ABCG2: variants seen among roughly 807,000 people sequenced by gnomAD.
The protein encoded by ABCG2 is ATP binding cassette subfamily G member 2 (JR blood group).
Under a neutral mutation model 73.5 loss-of-function variants are expected in ABCG2, and 80 were observed. That is an observed-to-expected ratio of 1.09 (90% CI 0.91 to 1.31). The LOEUF is 1.31. Among genes scored for constraint, ABCG2 ranks in the 50% most tolerant of loss-of-function variants. The pLI is 0.00. For synonymous variants in ABCG2, 269 were observed against 282.4 expected (o/e 0.95, Z 0.48); for missense variants, 796 against 786.2 (o/e 1.01, Z -0.15).
At chr4:88,211,510 A>G (rs1729600115) in intron 1 of ABCG2, among the ~76,000 whole-genome samples, 1 of 152,106 alleles carries the variant, frequency 6.6e-6, no homozygotes, top group Admixed American at 6.6e-5. Flanking sequence ...TCCGCCTCCC[A>G]GGTTCAAGTG....
At chr4:88,141,167 A>G (rs1455666115) in intron 1 of ABCG2, among the ~76,000 whole-genome samples, 1 of 152,172 alleles carries the variant, frequency 6.6e-6, no homozygotes, top group Non-Finnish European at 1.5e-5. Context: ...TCCTAAGCAC[A>G]ACGACAAAAG....
At chr4:88,199,247 G>A (rs1421813170) in intron 1 of ABCG2, among the ~76,000 whole-genome samples, 1 of 152,072 alleles carries the variant, frequency 6.6e-6, no homozygotes, top group Non-Finnish European at 1.5e-5. Context: ...GGAATTACAG[G>A]CGTGAGCCAC....
Position 88,118,062 on chromosome 4 carries a change from G to T in ABCG2, c.841+47C>A, listed in dbSNP as rs369634793. ...TGCAGACCCCCTTTGCTCTCCTTCAGGATTCTATTAATGAAGCATTTTACA... is the reference window on the plus strand; with the variant it reads ...TGCAGACCCCCTTTGCTCTCCTTCATGATTCTATTAATGAAGCATTTTACA... On this transcript the variant is annotated intron_variant, in intron 7 of 15. Transcript: ENST00000237612. The T allele has an allele frequency of 3.0e-5, 48 of 1,583,196 alleles. No individual in the cohort carries two copies. The African/African-American group carries it at 6.4e-4, about 21-fold the overall frequency.
chr4:88,115,059 C>T lies in ABCG2; in HGVS notation c.842-1G>A, dbSNP rs1235110117. On this transcript the variant is annotated splice_acceptor_variant, in intron 7 of 15. Transcript: ENST00000237612. LOFTEE classifies it high-confidence loss of function. ...TTATTATAGGCCTCACAGTGATAAC[C>T]TATGAAAGAAGGCAGCTCAAAAACA... 2 of 1,603,480 alleles carry T rather than the reference C, an allele frequency of 1.2e-6. No individual in the cohort carries two copies. Among genetic ancestry groups the T allele is most frequent in the Non-Finnish European group, 8.5e-7 (1 of 1,172,378 alleles).
chr4:88,169,485 A>G (rs866551736), intron 1 of ABCG2, among the ~76,000 whole-genome samples: 3 of 152,122 alleles, frequency 2.0e-5, no homozygotes, highest in Admixed American at 6.5e-5. Context: ...TAATTTATTT[A>G]TCTACTTTTG....
intron 8 of ABCG2, among the ~76,000 whole-genome samples, chr4:88,114,132 G>A (rs1227498651): frequency 2.0e-5 from 3 of 151,934 alleles, no homozygotes; most frequent in Admixed American, 2.0e-4. Context: ...ACGAGACCCT[G>A]TCTCTATAAA....
chr4:88,146,607 T>C (rs1726022726), intron 1 of ABCG2, among the ~76,000 whole-genome samples: 1 of 152,104 alleles, frequency 6.6e-6, no homozygotes, highest in Non-Finnish European at 1.5e-5. Context: ...TTGGCCAGGC[T>C]GGTCTTGAAC....
chr4:88,186,865 GC>G (rs1220510745), intron 1 of ABCG2, among the ~76,000 whole-genome samples: 18 of 144,046 alleles, frequency 1.2e-4, no homozygotes, highest in African/African-American at 3.9e-4. Context: ...CTTGCAGTGA[GC>G]CGAGATCCCG....
At chr4:88,095,262 A>T (rs1023993937) in intron 14 of ABCG2, among the ~76,000 whole-genome samples, 9 of 152,326 alleles carry the variant, frequency 5.9e-5, no homozygotes, top group South Asian at 2.1e-4. Flanking sequence ...TGTGTTTTTC[A>T]TCAATTAGCC....
At chr4:88,229,103 A>G (rs1730350034) in intron 1 of ABCG2, among the ~76,000 whole-genome samples, 1 of 152,172 alleles carries the variant, frequency 6.6e-6, no homozygotes, top group African/African-American at 2.4e-5. Context: ...CGCTCTTCAT[A>G]ATAAATCTTG....
intron 5 of ABCG2, among the ~76,000 whole-genome samples, chr4:88,130,079 C>T (rs1724740158): frequency 6.6e-6 from 1 of 152,104 alleles, no homozygotes; most frequent in African/African-American, 2.4e-5. Context: ...AGAAATAAAT[C>T]CTAATTTGAC....
intron 1 of ABCG2, among the ~76,000 whole-genome samples, chr4:88,183,013 A>G (rs1395064400): frequency 7.3e-6 from 1 of 137,104 alleles, no homozygotes; most frequent in Non-Finnish European, 1.5e-5. Context: ...TGAACCCAGG[A>G]GGTGGAGGTT....
intron 1 of ABCG2, among the ~76,000 whole-genome samples, chr4:88,222,116 A>G (rs1488922127): frequency 6.6e-6 from 1 of 152,238 alleles, no homozygotes; most frequent in East Asian, 1.9e-4. Context: ...GGGCCAACGT[A>G]TAGCTCAGGC....
At chr4:88,227,098 T>TA (rs879941709) in intron 1 of ABCG2, among the ~76,000 whole-genome samples, 7 of 151,954 alleles carry the variant, frequency 4.6e-5, no homozygotes, top group East Asian at 1.9e-4. Context: ...ATACCCTGTC[T>TA]AAAAAAAACT....
intron 1 of ABCG2, among the ~76,000 whole-genome samples, chr4:88,218,975 G>A (rs1729911451): frequency 6.6e-6 from 1 of 152,176 alleles, no homozygotes; most frequent in Admixed American, 6.5e-5. Flanking sequence ...AAATGAACAG[G>A]CGATACATAG....
At chr4:88,142,138 C>A (rs1725690041) in intron 1 of ABCG2, among the ~76,000 whole-genome samples, 1 of 151,904 alleles carries the variant, frequency 6.6e-6, no homozygotes, top group Middle Eastern at 3.4e-3. Context: ...AAGAGCATAA[C>A]AAACATATGG....
intron 1 of ABCG2, among the ~76,000 whole-genome samples, chr4:88,227,031 T>C (rs1323694767): frequency 6.6e-6 from 1 of 152,022 alleles, no homozygotes; most frequent in Non-Finnish European, 1.5e-5. Context: ...AGCCTTGAGG[T>C]AGAGGCTGTA....
At chr4:88,161,986 G>C (rs955476664), upstream of ABCG2, among the ~76,000 whole-genome samples, 41 of 151,266 alleles carry the variant, frequency 2.7e-4, 1 homozygote, top group African/African-American at 9.0e-4. Context: ...AGAAGTGTCT[G>C]TTCATGTCCT....
chr4:88,203,771 A>G (rs1380458810), intron 1 of ABCG2, among the ~76,000 whole-genome samples: 1 of 146,444 alleles, frequency 6.8e-6, no homozygotes, highest in East Asian at 2.0e-4. Context: ...AAAAAAAAAA[A>G]GAAAGAAACT....
Sources: gnomAD v4.1 joint callset for allele counts (sites outside exome capture counted in the v4.1 genomes callset) on GRCh38, gnomAD v4.1.1 for gene constraint, MANE v1.5 for transcripts, NCBI Gene and HGNC (gene_info 2026-07-23, HGNC 2026-07-21) for gene names.